TMX3: variants seen among roughly 807,000 people sequenced by gnomAD.
TMX3 encodes thioredoxin related transmembrane protein 3.
Under a neutral mutation model 64.4 loss-of-function variants are expected in TMX3, and 40 were observed. That is an observed-to-expected ratio of 0.62 (90% CI 0.48 to 0.81). TMX3 has a LOEUF of 0.81. Ranked by LOEUF, TMX3 falls within the 30% of genes least tolerant of loss-of-function variation. TMX3 has a pLI of 0.00. For synonymous variants in TMX3, 189 were observed against 175.7 expected, an observed-to-expected ratio of 1.08 and a Z score of -0.60; for missense variants, 497 against 534.5, an observed-to-expected ratio of 0.93 and a Z score of 0.69.
intron 3 of TMX3, 24 bp from the exon 4 acceptor site, chr18:68,710,168 A>C (rs771083341): frequency 6.6e-7 from 1 of 1,506,060 alleles, no homozygotes; most frequent in South Asian, 1.4e-5. Context: ...AACAAACAAC[A>C]AACAAAAAAA....
At chr18:68,690,814 A>G (rs1417022885) in intron 9 of TMX3, among the ~76,000 whole-genome samples, 2 of 152,192 alleles carry the variant, frequency 1.3e-5, no homozygotes, top group Non-Finnish European at 2.9e-5. Flanking sequence ...TACAATTACA[A>G]TATTTTAAAA....
At chr18:68,693,008 C>T (rs1379653254) in intron 8 of TMX3, among the ~76,000 whole-genome samples, 2 of 152,168 alleles carry the variant, frequency 1.3e-5, no homozygotes, top group East Asian at 3.9e-4. Context: ...GAGGGCTTAG[C>T]ATAAATTCTC....
At chr18:68,713,003 T>TA (rs34191235) in intron 2 of TMX3, among the ~76,000 whole-genome samples, 7,932 of 122,236 alleles carry the variant, frequency 0.065, 557 homozygotes, top group African/African-American at 0.19. Flanking sequence ...TCAAGAGGTT[T>TA]AAAAAAAAAA....
chr18:68,698,050 A>G lies in TMX3; in HGVS notation c.393-19T>C. 6.5e-7 allele frequency: 1 copy of G among 1,545,402 alleles called. No individual in the cohort carries two copies. Among genetic ancestry groups the G allele is most frequent in the Non-Finnish European group, 8.9e-7 (1 of 1,125,502 alleles). ...TAGAGCCCTGTTGCACAACAAAACA[A>G]AAAACAAACTTGAATTATAAACTAA... On this transcript the variant is annotated intron_variant, in intron 6 of 15. Transcript: ENST00000299608.
At chr18:68,699,935 T>A (rs866744766) in intron 6 of TMX3, among the ~76,000 whole-genome samples, 4 of 152,088 alleles carry the variant, frequency 2.6e-5, no homozygotes, top group Non-Finnish European at 5.9e-5. Context: ...CAGTATGTGA[T>A]AAATAAGGAA....
chr18:68,682,123 T>A (rs928283869), intron 13 of TMX3, among the ~76,000 whole-genome samples: 1 of 152,222 alleles, frequency 6.6e-6, no homozygotes, highest in South Asian at 2.1e-4. Context: ...GATCTTTTCA[T>A]ACAGTTCTGT....
At chr18:68,708,602 A>C (rs1348271986) in intron 4 of TMX3, among the ~76,000 whole-genome samples, 1 of 152,150 alleles carries the variant, frequency 6.6e-6, no homozygotes, top group Non-Finnish European at 1.5e-5. Flanking sequence ...CAGGATATAT[A>C]CACAAGGCTG....
At chr18:68,681,149 C>T (rs758051971) in intron 13 of TMX3, 39 bp from the exon 14 acceptor site, 14 of 1,464,354 alleles carry the variant, frequency 9.6e-6, no homozygotes, top group Non-Finnish European at 1.2e-5. Context: ...ACATTAAACA[C>T]AGCAATAGCA....
chr18:68,701,548 T>C, intron 5 of TMX3, 197 bp downstream of exon 5: 1 of 1,313,822 alleles, frequency 7.6e-7, no homozygotes, highest in Non-Finnish European at 1.0e-6. Context: ...GAATTAGCCA[T>C]AAACAACATG....
chr18:68,702,535 A>C (rs898534098), intron 4 of TMX3, among the ~76,000 whole-genome samples: 1 of 152,200 alleles, frequency 6.6e-6, no homozygotes, highest in Non-Finnish European at 1.5e-5. Flanking sequence ...TTAATGCAAC[A>C]CTACTTTACA....
At chr18:68,700,735 G>GT in intron 5 of TMX3, 1 of 983,604 alleles carries the variant, frequency 1.0e-6, no homozygotes. Flanking sequence ...TAACTGCATT[G>GT]TATCTACGCC....
intron 4 of TMX3, among the ~76,000 whole-genome samples, chr18:68,704,564 T>G (rs1379127942): frequency 6.6e-6 from 1 of 152,182 alleles, no homozygotes; most frequent in African/African-American, 2.4e-5. Context: ...CAAACATTGA[T>G]TAGGTAGCGG....
intron 8 of TMX3, among the ~76,000 whole-genome samples, chr18:68,695,994 A>T (rs929952527): frequency 6.6e-5 from 10 of 152,170 alleles, no homozygotes; most frequent in Middle Eastern, 3.4e-3. Context: ...GACATCTGTT[A>T]TCTGTTCGTT....
chr18:68,694,027 A>T (rs1418248204), intron 8 of TMX3, among the ~76,000 whole-genome samples: 1 of 152,110 alleles, frequency 6.6e-6, no homozygotes, highest in African/African-American at 2.4e-5. Context: ...CCTAAGAGCT[A>T]TTCTGTTGCT....
At chr18:68,709,455 G>A (rs1265035590) in intron 4 of TMX3, among the ~76,000 whole-genome samples, 1 of 152,234 alleles carries the variant, frequency 6.6e-6, no homozygotes, top group East Asian at 1.9e-4. Context: ...AAATAGCTAT[G>A]CTTCAATCTA....
intron 4 of TMX3, among the ~76,000 whole-genome samples, chr18:68,705,268 T>C (rs1049785364): frequency 7.9e-5 from 12 of 152,012 alleles, no homozygotes; most frequent in East Asian, 1.9e-4. Flanking sequence ...AAAATGTCAA[T>C]AGTGCAAGGC....
rs906044929 is a variant in TMX3, at chr18:68,680,275, T to C, written c.1035+706A>G. ...TAGTAATTACATTTCACAAAAGCAA[T>C]GAAGGCGCTTTCTTTTAAATTTTAT... On this transcript the variant is annotated intron_variant, in intron 14 of 15. Coordinates refer to ENST00000299608, the MANE Select transcript of TMX3 (RefSeq NM_019022.5). 3.9e-5 allele frequency among the ~76,000 whole-genome samples: 6 copies of C among 152,280 alleles called. No homozygotes were observed. In the South Asian group the frequency reaches 1.2e-3, roughly 32 times the overall value.
chr18:68,679,345 C>T (rs1160432605), intron 15 of TMX3, 118 bp downstream of exon 15: 1 of 701,886 alleles, frequency 1.4e-6, no homozygotes, highest in African/African-American at 1.8e-5. Context: ...TAGTCATATC[C>T]TGCAAATTAA....
At chr18:68,698,481 T>C (rs1175096080) in intron 6 of TMX3, among the ~76,000 whole-genome samples, 1 of 152,194 alleles carries the variant, frequency 6.6e-6, no homozygotes, top group Non-Finnish European at 1.5e-5. Flanking sequence ...TCTTACTATG[T>C]CAATTTAAAT....
Sources: allele counts gnomAD v4.1 joint callset (sites outside exome capture counted in the v4.1 genomes callset), GRCh38; gene constraint gnomAD v4.1.1; transcripts MANE v1.5; gene names NCBI Gene and HGNC (gene_info 2026-07-23, HGNC 2026-07-21).